The following CCDC30 variants were observed in gnomAD, a reference collection of about 807,000 sequenced individuals.
CCDC30 encodes coiled-coil domain-containing protein 30.
CCDC30 carries 70 observed loss-of-function variants against 100.2 expected under a neutral mutation model. The ratio of observed to expected loss-of-function variants is 0.70; its 90% CI spans 0.58 to 0.85. CCDC30 has a LOEUF of 0.85. CCDC30 is among the 40% of genes least tolerant of loss of function. The pLI is 0.00. For synonymous variants in CCDC30, 233 were observed against 269.5 expected, an observed-to-expected ratio of 0.86 and a Z score of 1.33; for missense variants, 652 against 771.2, an observed-to-expected ratio of 0.85 and a Z score of 1.83.
At chr1:42,558,514 C>G (rs539238122) in intron 6 of CCDC30, among the ~76,000 whole-genome samples, 1 of 152,254 alleles carries the variant, frequency 6.6e-6, no homozygotes, top group East Asian at 1.9e-4. Flanking sequence ...CTCATCACCC[C>G]ATCCAGCAGT....
intron 11 of CCDC30, 82 bp from the exon 16 acceptor site, chr1:42,637,155 A>G (rs1647176565): frequency 9.2e-7 from 1 of 1,091,490 alleles, no homozygotes; most frequent in East Asian, 2.6e-5. Flanking sequence ...AGAAGAGGAC[A>G]CCCAAGAAAG....
chr1:42,488,580 A>G (rs1384130207), intron 3 of CCDC30, among the ~76,000 whole-genome samples: 3 of 152,142 alleles, frequency 2.0e-5, no homozygotes, highest in Non-Finnish European at 4.4e-5. Flanking sequence ...CAAGTGTTGT[A>G]TAGGTGTGAG....
chr1:42,640,261 T>C (rs1249052836), intron 12 of CCDC30, among the ~76,000 whole-genome samples: 1 of 152,242 alleles, frequency 6.6e-6, no homozygotes, highest in African/African-American at 2.4e-5. Context: ...TTGAGACTTC[T>C]GTTGTGACCA....
intron 6 of CCDC30, among the ~76,000 whole-genome samples, chr1:42,520,625 C>T (rs1368752927): frequency 1.4e-5 from 2 of 145,672 alleles, no homozygotes; most frequent in South Asian, 2.2e-4. Context: ...CCACCACGCC[C>T]GGCCTCATCT....
At chr1:42,563,453 T>C (rs1645537271) in intron 6 of CCDC30, among the ~76,000 whole-genome samples, 1 of 150,872 alleles carries the variant, frequency 6.6e-6, no homozygotes, top group Non-Finnish European at 1.5e-5. Context: ...CCAGGGCCTG[T>C]TGGGGGTAGG....
intron 10 of CCDC30, among the ~76,000 whole-genome samples, chr1:42,602,743 T>C (rs1646429304): frequency 6.6e-5 from 10 of 152,210 alleles, no homozygotes; most frequent in Admixed American, 6.5e-4. Context: ...TTCTCTGTAG[T>C]CTCTTTAGGA....
At chr1:42,462,376 A>T (rs576940637), upstream of CCDC30, among the ~76,000 whole-genome samples, 4 of 152,306 alleles carry the variant, frequency 2.6e-5, no homozygotes, top group East Asian at 7.7e-4. Context: ...ACAGGAGTGA[A>T]GTGGGCTACA....
chr1:42,505,257 G>A (rs945276285), intron 6 of CCDC30, among the ~76,000 whole-genome samples: 27 of 152,078 alleles, frequency 1.8e-4, no homozygotes, highest in African/African-American at 5.8e-4. Flanking sequence ...TTATTACATG[G>A]CAGGATTTGC....
chr1:42,651,589 C>G (rs1648354784), intron 15 of CCDC30, among the ~76,000 whole-genome samples: 1 of 152,126 alleles, frequency 6.6e-6, no homozygotes, highest in African/African-American at 2.4e-5. Flanking sequence ...AAGGGCCAGG[C>G]ATGGTAGCCC....
chr1:42,525,881 T>C (rs1279798625), intron 6 of CCDC30, among the ~76,000 whole-genome samples: 1 of 152,162 alleles, frequency 6.6e-6, no homozygotes, highest in Non-Finnish European at 1.5e-5. Flanking sequence ...CTCCCAACCC[T>C]GCTGACCTCT....
chr1:42,553,377 T>C (rs1645294460), intron 6 of CCDC30, among the ~76,000 whole-genome samples: 2 of 152,032 alleles, frequency 1.3e-5, no homozygotes, highest in South Asian at 4.2e-4. Context: ...CAAAGTCTTT[T>C]AATGTTTGTT....
chr1:42,614,082 CTT>C (rs140335668), intron 11 of CCDC30, among the ~76,000 whole-genome samples: 51 of 137,568 alleles, frequency 3.7e-4, no homozygotes, highest in East Asian at 4.3e-4. Flanking sequence ...CCCCAATATT[CTT>C]TTTTTTTTTT....
At chr1:42,475,006 GA>G (rs926144682) in intron 1 of CCDC30, among the ~76,000 whole-genome samples, 2 of 152,110 alleles carry the variant, frequency 1.3e-5, no homozygotes, top group African/African-American at 4.8e-5. Context: ...TTATTATGTA[GA>G]TTTTTTTCTG....
chr1:42,610,664 A>G (rs1298027845), intron 10 of CCDC30, among the ~76,000 whole-genome samples: 2 of 152,184 alleles, frequency 1.3e-5, no homozygotes, highest in East Asian at 1.9e-4. Flanking sequence ...AGCTCAAGCT[A>G]TATGCCTGCC....
rs144374678 is a variant in CCDC30, at chr1:42,625,160, T to C, written c.1278-12077T>C. On this transcript the variant is annotated intron_variant, in intron 11 of 16. Transcript: ENST00000668663. ...TGTTCATTTCTTCTAGGTTTTCCAA[T>C]TTACTGAATTTAGTTGCTCATAATA... Among the ~76,000 whole-genome samples, 567 of 152,304 alleles carry C rather than the reference T, an allele frequency of 3.7e-3. 5 individuals carry two copies. The highest frequency in any genetic ancestry group is 0.032 in the South Asian group (153 of 4,822).
At chr1:42,470,852 A>G (rs913324679) in intron 1 of CCDC30, among the ~76,000 whole-genome samples, 1 of 152,226 alleles carries the variant, frequency 6.6e-6, no homozygotes, top group Admixed American at 6.5e-5. Flanking sequence ...TCTGTTTGGC[A>G]TAATGAAAAA....
At chr1:42,609,857 C>T (rs796703192) in intron 10 of CCDC30, among the ~76,000 whole-genome samples, 22 of 152,166 alleles carry the variant, frequency 1.4e-4, no homozygotes, top group African/African-American at 3.9e-4. Context: ...CAGGTTTCCA[C>T]GCATTCCCAA....
chr1:42,526,376 T>G (rs1378819734), intron 6 of CCDC30, among the ~76,000 whole-genome samples: 2 of 152,154 alleles, frequency 1.3e-5, no homozygotes, highest in Non-Finnish European at 2.9e-5. Context: ...TCATGTCTAT[T>G]TTTTTGTTGG....
chr1:42,580,765 A>G (rs1263397623), intron 8 of CCDC30: 1 of 445,836 alleles, frequency 2.2e-6, no homozygotes, highest in Non-Finnish European at 4.5e-6. Context: ...TAAAAAACCT[A>G]TTATTGATGC....
Sources: allele counts gnomAD v4.1 joint callset (sites outside exome capture counted in the v4.1 genomes callset), GRCh38; gene constraint gnomAD v4.1.1; transcripts MANE v1.5; gene names NCBI Gene and HGNC (gene_info 2026-07-23, HGNC 2026-07-21).